Variants in ZDHHC5 observed in about 807,000 individuals in gnomAD.
ZDHHC5 encodes the protein zDHHC palmitoyltransferase 5.
ZDHHC5 carries 22 observed loss-of-function variants against 70.0 expected under a neutral mutation model. That is an observed-to-expected ratio of 0.31 (90% CI 0.22 to 0.45). ZDHHC5 has a LOEUF of 0.45. Among genes scored for constraint, ZDHHC5 ranks in the 20% least tolerant of loss-of-function variants. ZDHHC5 has a pLI of 1.00. For missense variants in ZDHHC5, 746 were observed against 926.9 expected (o/e 0.80, Z 2.53); for synonymous variants, 313 against 347.8 (o/e 0.90, Z 1.11).
At chr11:57,687,521 A>G (rs1946222231) in intron 3 of ZDHHC5, among the ~76,000 whole-genome samples, 1 of 152,050 alleles carries the variant, frequency 6.6e-6, no homozygotes, top group Non-Finnish European at 1.5e-5. Flanking sequence ...CAGTGAGCCA[A>G]GATCACGCCC....
At position 57,699,236 on chromosome 11, in the gene ZDHHC5, G is replaced by A. The variant is rs747198806; in HGVS notation, c.1800G>A (p.Leu600=). ...SKRSPLGKTP[L]GRPAVPRFGK... ...GATCACCTTTGGGCAAGACTCCACT[G>A]GGACGCCCAGCTGTCCCCCGTTTTG... The change falls in exon 11 of 12, where the codon CTG becomes CTA. Residue 600 remains leucine (L), a synonymous_variant. Transcript: ENST00000287169. 1.5e-5 allele frequency: 25 copies of A among 1,614,248 alleles called. No individual in the cohort carries two copies. The South Asian group carries it at 2.6e-4, about 17-fold the overall frequency.
In ZDHHC5 at chr11:57,701,075, C is replaced by T. The variant is rs1397729432; in HGVS notation, c.*1044C>T. The T allele has an allele frequency of 6.6e-6, 1 of 152,656 alleles. No individual in the cohort carries two copies. Among genetic ancestry groups the T allele is most frequent in the Non-Finnish European group, 1.5e-5 (1 of 68,048 alleles). 9.5% of individuals were successfully genotyped at this position (152,656 alleles called of 1,614,324 possible). ...GCTGGGTAGAGGGGATACCTGGGTT[C>T]TAACCTCTAAATAGGGGAGATCCCA... is the stretch of plus-strand genomic sequence containing the variant. On this transcript the variant is annotated 3_prime_UTR_variant, in exon 12 of 12. Transcript: ENST00000287169.
chr11:57,688,465 A>G, intron 3 of ZDHHC5, 43 bp from the exon 4 acceptor site: 1 of 1,495,372 alleles, frequency 6.7e-7, no homozygotes, highest in African/African-American at 1.4e-5. Context: ...CACTTACTAC[A>G]GTTCTGGCAT....
chr11:57,697,157 C>T (rs763814530), intron 10 of ZDHHC5, among the ~76,000 whole-genome samples: 22 of 151,012 alleles, frequency 1.5e-4, no homozygotes, highest in Middle Eastern at 6.5e-3. Flanking sequence ...GGTGAAACCC[C>T]ATCTCTACTA....
rs764155996 is a variant in ZDHHC5, at chr11:57,699,063, T to C, written c.1627T>C (p.Ser543Pro). 7.4e-6 allele frequency: 12 copies of C among 1,612,854 alleles called. No homozygotes were observed. Among genetic ancestry groups the C allele is most frequent in the Non-Finnish European group, 1.0e-5 (12 of 1,179,884 alleles). The change falls in exon 11 of 12, where the codon TCT becomes CCT. Residue 543 changes from serine to proline, a missense_variant. Around this residue, in one of 6 missense-constraint regions of ZDHHC5, gnomAD observed 340 missense variants for 350.1 expected, o/e 0.97. Transcript: ENST00000287169. The stretch of plus-strand genomic sequence containing the variant: ...CAATCTGTCGCGCCACATTGTGGCC[T>C]CTCTCCAGGAACGAGAGAAGTTGCT... The part of the protein sequence containing the change: ...YDNLSRHIVA[S>P]LQEREKLLRQ...
chr11:57,673,026 G>T lies in ZDHHC5; in HGVS notation c.-65G>T. ...GTTGCTTCCCTCCTCCCATTTTCTT[G>T]TCTGTTCTGCCGCTGTGTGGGCCTG... On this transcript the variant is annotated 5_prime_UTR_variant, in exon 2 of 12. Coordinates refer to ENST00000287169, the MANE Select transcript of ZDHHC5 (RefSeq NM_015457.3). 1 of 1,506,780 alleles carries T rather than the reference G, an allele frequency of 6.6e-7. No homozygotes were observed. The highest frequency in any genetic ancestry group is 9.2e-7 in the Non-Finnish European group (1 of 1,085,706). The allele number at this position is 1,506,780 out of a possible 1,614,324, so 93.3% of individuals were successfully genotyped here.
intron 3 of ZDHHC5, among the ~76,000 whole-genome samples, chr11:57,687,269 T>C (rs1411952043): frequency 2.0e-5 from 3 of 146,570 alleles, no homozygotes; most frequent in Non-Finnish European, 4.5e-5. Context: ...TTTTTTTTTC[T>C]AGGTTAATAA....
rs746536011 is a variant in ZDHHC5 at position 57,699,959 on chromosome 11, C to T, written c.2076C>T (p.Leu692=). Residue 692 remains leucine (L), a synonymous_variant, in exon 12 of 12, where the codon CTC becomes CTT. Transcript: ENST00000287169. ...CCCCTGGCCCAGGCCAGCCACCTCT[C>T]AGTAGCCCCACGAGGGGAGGAGTCA... ...SASPGPGQPP[L]SSPTRGGVKK... is the part of the protein sequence containing the mutation. 20 of 1,613,982 alleles carry T rather than the reference C, an allele frequency of 1.2e-5. No homozygotes were observed. Among genetic ancestry groups the T allele is most frequent in the Non-Finnish European group, 1.7e-5 (20 of 1,180,000 alleles).
intron 3 of ZDHHC5, among the ~76,000 whole-genome samples, chr11:57,685,942 G>A (rs1397809358): frequency 1.3e-5 from 2 of 152,186 alleles, no homozygotes; most frequent in South Asian, 2.1e-4. Flanking sequence ...CAGGAGAATC[G>A]CTTGAACCCG....
chr11:57,684,314 T>A (rs1468955208), intron 3 of ZDHHC5, among the ~76,000 whole-genome samples: 8 of 152,202 alleles, frequency 5.3e-5, no homozygotes. Context: ...CTGGGCACAG[T>A]GGTTCATGCC....
intron 6 of ZDHHC5, among the ~76,000 whole-genome samples, 169 bp downstream of exon 6, chr11:57,690,606 GTAGAGGCCATGTAAGAA>G (rs1397096756): frequency 3.3e-5 from 5 of 152,174 alleles, no homozygotes; most frequent in Admixed American, 2.0e-4. Flanking sequence ...TCATGTAAGT[GTAGAGGCCATGTAAGAA>G]TAGAGGCCAT....
rs1946416912 is a variant in ZDHHC5, at chr11:57,699,848, CTT to C, written c.1983-17_1983-16del. The stretch of plus-strand genomic sequence containing the variant: ...CTGTCCCATTTCCTGACACCTACGT[CTT>C]GTCTCTTCTTTCCAGAGATGAAGTA... On this transcript the variant is annotated splice_polypyrimidine_tract_variant and intron_variant, in intron 11 of 11. Coordinates refer to ENST00000287169, the MANE Select transcript of ZDHHC5 (RefSeq NM_015457.3). The C allele has an allele frequency of 6.2e-7, 1 of 1,614,150 alleles. No individual in the cohort carries two copies. The highest frequency in any genetic ancestry group is 8.5e-7 in the Non-Finnish European group (1 of 1,179,988).
chr11:57,678,428 A>G (rs976083943), intron 2 of ZDHHC5, among the ~76,000 whole-genome samples: 2 of 151,884 alleles, frequency 1.3e-5, no homozygotes, highest in Non-Finnish European at 2.9e-5. Flanking sequence ...AAAATTAGCC[A>G]GGCGTGGTGG....
At position 57,688,429 on chromosome 11, in the gene ZDHHC5, T is replaced by C. The variant is rs1590865796; in HGVS notation, c.227-79T>C. 22 of 1,405,930 alleles carry C rather than the reference T, an allele frequency of 1.6e-5. No homozygotes were observed. In the East Asian group the frequency reaches 5.7e-4, roughly 37 times the overall value. The allele number at this position is 1,405,930 out of a possible 1,614,324, so 87.1% of individuals were successfully genotyped here. On this transcript the variant is annotated intron_variant, in intron 3 of 11. Transcript: ENST00000287169. ...GTGAATTCCTCAAAGGCAGAAGCTA[T>C]ATTTTAAACATCATTGAATCCCTAG...
At chr11:57,688,188 TTTGATATGTA>T in intron 3 of ZDHHC5, among the ~76,000 whole-genome samples, 1 of 152,220 alleles carries the variant, frequency 6.6e-6, no homozygotes, top group Non-Finnish European at 1.5e-5. Flanking sequence ...ATGTATGTGC[TTTGATATGTA>T]AACTATTTCT....
At position 57,690,827 on chromosome 11, in the gene ZDHHC5, A is replaced by G. The variant is rs1389890888; in HGVS notation, c.660+390A>G. Among the ~76,000 whole-genome samples, 5 of 152,172 alleles carry G rather than the reference A, an allele frequency of 3.3e-5. No homozygotes were observed. In the East Asian group the frequency reaches 5.8e-4, roughly 18 times the overall value. ...AACACTTGGTCACGGGGTGGGGAAC[A>G]TAACACCCTGGGGCCTGTTGTGGGG... On this transcript the variant is annotated intron_variant, in intron 6 of 11. Coordinates refer to ENST00000287169, the MANE Select transcript of ZDHHC5 (RefSeq NM_015457.3).
intron 2 of ZDHHC5, among the ~76,000 whole-genome samples, chr11:57,680,640 C>G (rs772498475): frequency 6.6e-5 from 10 of 152,210 alleles, no homozygotes; most frequent in Non-Finnish European, 1.5e-5. Flanking sequence ...GTCACCCTTT[C>G]TCTTCTTCCC....
Position 57,693,957 on chromosome 11 carries a change from T to C in ZDHHC5, c.885+42T>C, listed in dbSNP as rs369912440. 17 of 1,568,910 alleles carry C rather than the reference T, an allele frequency of 1.1e-5. 1 individual carries two copies. Among genetic ancestry groups the C allele is most frequent in the African/African-American group, 8.3e-5 (6 of 72,268 alleles). ...AGTCAAGCTAGATAACATGGAAGTC[T>C]CACCCAAGGCAAAGAGACGGAAGCT... On this transcript the variant is annotated intron_variant, in intron 8 of 11. Transcript: ENST00000287169.
At chr11:57,671,958 A>C (rs1946012131) in intron 1 of ZDHHC5, 63 bp from the exon 2 acceptor site, 1 of 317,276 alleles carries the variant, frequency 3.2e-6, no homozygotes, top group African/African-American at 2.1e-5. Flanking sequence ...GTGGAATTTT[A>C]GCCTTGGTGT....
Sources: gnomAD v4.1 joint callset for allele counts (sites outside exome capture counted in the v4.1 genomes callset) on GRCh38, gnomAD v4.1.1 for gene constraint, gnomAD v4.1.1 regional missense constraint, MANE v1.5 for transcripts, NCBI Gene and HGNC (gene_info 2026-07-23, HGNC 2026-07-21) for gene names.